Variants in LCA5L observed in about 807,000 individuals in gnomAD.
LCA5L encodes lebercilin-like protein.
A neutral mutation model predicts 45.4 loss-of-function variants in LCA5L; 35 were observed. The ratio of observed to expected loss-of-function variants is 0.77; its 90% CI spans 0.59 to 1.02. The LOEUF (loss-of-function observed/expected upper bound fraction) is 1.02, where lower values mean the gene tolerates loss of function less well. Ranked by LOEUF, LCA5L falls within the 50% of genes least tolerant of loss-of-function variation. The probability of loss-of-function intolerance (pLI) is 0.00; values close to 1 mark genes in which losing one functional copy is unlikely to be tolerated. For synonymous variants in LCA5L, 233 were observed against 264.7 expected, an observed-to-expected ratio of 0.88 and a Z score of 1.16; for missense variants, 668 against 761.6, an observed-to-expected ratio of 0.88 and a Z score of 1.45.
rs374554890 is a variant in LCA5L at position 39,426,944 on chromosome 21, C to A, written c.322+1228G>T. ...CCGTCTAGAAAAGTTTACAAACACACATAGACACAAAAAAATGCATAGAAT... is the reference window on the plus strand; with the variant it reads ...CCGTCTAGAAAAGTTTACAAACACAAATAGACACAAAAAAATGCATAGAAT... On this transcript the variant is annotated intron_variant, in intron 5 of 10. Transcript: ENST00000288350. 7.9e-4 allele frequency among the ~76,000 whole-genome samples: 121 copies of A among 152,290 alleles called. 4 individuals carry two copies. The South Asian group carries it at 0.024, about 30-fold the overall frequency.
chr21:39,443,464 T>C, intron 2 of LCA5L: 1 of 152,112 alleles, frequency 6.6e-6, no homozygotes, highest in Non-Finnish European at 1.5e-5. Flanking sequence ...TGGCCTTGGT[T>C]AGGAGGAGGA....
intron 2 of LCA5L, among the ~76,000 whole-genome samples, chr21:39,441,342 G>T (rs2076836986): frequency 6.6e-6 from 1 of 152,148 alleles, no homozygotes; most frequent in Non-Finnish European, 1.5e-5. Flanking sequence ...AACACTGATT[G>T]AGAGGCAGTA....
rs7278819 is a variant in LCA5L at position 39,428,094 on chromosome 21, C to G, written c.322+78G>C. On this transcript the variant is annotated intron_variant, in intron 5 of 10. Transcript: ENST00000288350. ...GGAAAACAATAAAACTGAGTATGAA[C>G]CACTTCAAACACTAGTGCAGTAAAA... 899 of 785,776 alleles carry G rather than the reference C, an allele frequency of 1.1e-3. 9 individuals are homozygous for G. In the African/African-American group the frequency reaches 0.015, roughly 13 times the overall value. The allele number at this position is 785,776 out of a possible 1,614,324, so 48.7% of individuals were successfully genotyped here.
chr21:39,423,626 G>C lies in LCA5L; in HGVS notation c.323-136C>G, dbSNP rs533846833. On this transcript the variant is annotated intron_variant, in intron 5 of 10. Transcript: ENST00000288350. Reference sequence around the variant, plus strand: ...CACACAAGCGTAAGTGTAACTAGAAGGGGACAAAACTATCATTTAATGAAT... The same window carrying C: ...CACACAAGCGTAAGTGTAACTAGAACGGGACAAAACTATCATTTAATGAAT... 16 of 664,302 alleles carry C rather than the reference G, an allele frequency of 2.4e-5. No homozygotes were observed. The East Asian group carries it at 4.7e-4, about 19-fold the overall frequency. 41.2% of individuals were successfully genotyped at this position (664,302 alleles called of 1,614,324 possible). A position where few individuals can be genotyped will look rare whatever the true frequency, so the allele number is the denominator to read the frequency against.
chr21:39,409,434 C>T lies in LCA5L; in HGVS notation c.1282+545G>A, dbSNP rs1226956904. 2.0e-5 allele frequency among the ~76,000 whole-genome samples: 3 copies of T among 152,068 alleles called. No homozygotes were observed. The highest frequency in any genetic ancestry group is 2.9e-5 in the Non-Finnish European group (2 of 68,018). The stretch of plus-strand genomic sequence containing the variant: ...GAGGGAAAGCAAGGGAATGACTGGC[C>T]TAAAACCCAAGACGGTGGTGGTTTC... On this transcript the variant is annotated intron_variant, in intron 10 of 10. Transcript: ENST00000288350. This position sits in a 1 kb window ranked among gnomAD's most constrained non-coding sequence, Gnocchi z 4.2.
intron 1 of LCA5L, among the ~76,000 whole-genome samples, chr21:39,445,117 A>T (rs1458961785): frequency 6.6e-6 from 1 of 152,176 alleles, no homozygotes; most frequent in African/African-American, 2.4e-5. Context: ...TCTCTGAAAA[A>T]AGTTAACCGT....
intron 7 of LCA5L, among the ~76,000 whole-genome samples, chr21:39,420,216 A>G (rs1427448656): frequency 5.3e-5 from 8 of 152,118 alleles, no homozygotes; most frequent in African/African-American, 1.9e-4. Flanking sequence ...TCTGAGAAAG[A>G]TATTAATGAA....
rs188814692 is a variant in LCA5L at position 39,405,947 on chromosome 21, C to T, written c.1948G>A (p.Val650Ile). The T allele has an allele frequency of 1.1e-5, 17 of 1,613,628 alleles. No homozygotes were observed. The East Asian group carries it at 3.8e-4, about 36-fold the overall frequency. ...GGCTTAATAGAATTTACCACAGTTACTTTAGAGTCTCCGAAAGCATGGCTG... is the reference window on the plus strand; with the variant it reads ...GGCTTAATAGAATTTACCACAGTTATTTTAGAGTCTCCGAAAGCATGGCTG... The part of the protein sequence containing the change: ...STSHAFGDSK[V>I]TVVNSIKPSS... Residue 650 changes from valine to isoleucine, a missense_variant, in exon 11 of 11, where the codon GTA becomes ATA. Coordinates refer to ENST00000288350, the MANE Select transcript of LCA5L (RefSeq NM_152505.4).
chr21:39,426,645 T>C (rs1279015827), intron 5 of LCA5L, among the ~76,000 whole-genome samples: 2 of 152,270 alleles, frequency 1.3e-5, no homozygotes, highest in African/African-American at 2.4e-5. Context: ...ATCTGCTTCA[T>C]ATTAGTTCAA....
rs764726175 is a variant in LCA5L at position 39,428,268 on chromosome 21, A to G, written c.226T>C (p.Ser76Pro). The G allele has an allele frequency of 3.4e-5, 54 of 1,608,532 alleles. No homozygotes were observed. The highest frequency in any genetic ancestry group is 4.5e-5 in the Non-Finnish European group (53 of 1,175,196). The change falls in exon 5 of 11, where the codon TCA becomes CCA. Residue 76 changes from serine (S) to proline (P), a missense_variant. Ser to Pro is a moderately conservative substitution (Grantham distance 74, BLOSUM62 -1). Transcript: ENST00000288350. ...TAATTTCTATTAATAGCCTTTTCTG[A>G]ACAATCACAGAGAAAGTCTTCTGAA... ...DYSEDFLCDC[S>P]EKAINRNYLK...
chr21:39,423,610 G>C lies in LCA5L; in HGVS notation c.323-120C>G, dbSNP rs80142423. The C allele has an allele frequency of 1.1e-3, 915 of 804,854 alleles. 4 individuals carry two copies. The African/African-American group carries it at 0.015, about 13-fold the overall frequency. 49.9% of individuals were successfully genotyped at this position (804,854 alleles called of 1,614,324 possible). ...ACACACCACACACATACACACAAGCGTAAGTGTAACTAGAAGGGGACAAAA... is the reference window on the plus strand; with the variant it reads ...ACACACCACACACATACACACAAGCCTAAGTGTAACTAGAAGGGGACAAAA... On this transcript the variant is annotated intron_variant, in intron 5 of 10. Transcript: ENST00000288350.
At chr21:39,414,734 CTCTCTCTCTGTGTGTGTGTG>C (rs956629622) in intron 7 of LCA5L, among the ~76,000 whole-genome samples, 4 of 103,164 alleles carry the variant, frequency 3.9e-5, no homozygotes, top group African/African-American at 1.6e-4. Flanking sequence ...CTCTCTCTCT[CTCTCTCTCTGTGTGTGTGTG>C]TGTGTGTGTG....
At chr21:39,419,303 T>C (rs899075064) in intron 7 of LCA5L, among the ~76,000 whole-genome samples, 10 of 152,034 alleles carry the variant, frequency 6.6e-5, no homozygotes, top group East Asian at 1.9e-4. Context: ...GGCAGGAGGA[T>C]TGCTTGAGCC....
In LCA5L at chr21:39,432,274, C is replaced by A. The variant is rs117645662; in HGVS notation, c.-91-3063G>T. Among the ~76,000 whole-genome samples the A allele has an allele frequency of 7.4e-3, 1,121 of 152,092 alleles. 7 individuals carry two copies. Among genetic ancestry groups the A allele is most frequent in the Non-Finnish European group, 0.013 (900 of 67,976 alleles). On this transcript the variant is annotated intron_variant, in intron 3 of 10. Coordinates refer to ENST00000288350, the MANE Select transcript of LCA5L (RefSeq NM_152505.4). ...CTCAGTATGCTTCTTTTTGCTACAA[C>A]AAATAGACAATTGTTTTTAATATTA... is the stretch of plus-strand genomic sequence containing the variant.
chr21:39,422,484 GA>G (rs2073932461), intron 6 of LCA5L: 1 of 158,466 alleles, frequency 6.3e-6, no homozygotes, highest in Admixed American at 6.5e-5. Context: ...CTGCTATTTT[GA>G]AAATAACTAC....
At chr21:39,415,743 T>C (rs2041022490) in intron 7 of LCA5L, among the ~76,000 whole-genome samples, 1 of 152,248 alleles carries the variant, frequency 6.6e-6, no homozygotes, top group South Asian at 2.1e-4. Context: ...TGTCTTTTAA[T>C]CTATAGATTC....
chr21:39,409,092 A>C lies in LCA5L; in HGVS notation c.1282+887T>G, dbSNP rs1054074833. Among the ~76,000 whole-genome samples the C allele has an allele frequency of 6.6e-6, 1 of 152,202 alleles. No homozygotes were observed. Reference sequence around the variant, plus strand: ...TTAAGGAAGTAATTAAGGTTAAATGAGATCACAAGGTTGGGGCCTTCATGA... The same window carrying C: ...TTAAGGAAGTAATTAAGGTTAAATGCGATCACAAGGTTGGGGCCTTCATGA... On this transcript the variant is annotated intron_variant, in intron 10 of 10. Transcript: ENST00000288350. This position sits in a 1 kb window ranked among gnomAD's most constrained non-coding sequence, Gnocchi z 4.2.
At chr21:39,433,545 A>C (rs190845292) in intron 3 of LCA5L, among the ~76,000 whole-genome samples, 36 of 151,154 alleles carry the variant, frequency 2.4e-4, no homozygotes, top group African/African-American at 8.0e-4. Flanking sequence ...ATCCATTTTG[A>C]GTTACTTATT....
intron 2 of LCA5L, chr21:39,438,840 A>C (rs2148232001): frequency 6.6e-6 from 1 of 152,030 alleles, no homozygotes. Context: ...TAGATATGTA[A>C]AGTTCTCTAA....
Sources: allele counts gnomAD v4.1 joint callset (sites outside exome capture counted in the v4.1 genomes callset), GRCh38; gene constraint gnomAD v4.1.1; non-coding constraint Gnocchi (gnomAD v3.1); transcripts MANE v1.5; gene names NCBI Gene and HGNC (gene_info 2026-07-23, HGNC 2026-07-21).